The following CFAP70 variants were observed in gnomAD, a reference collection of about 807,000 sequenced individuals.
CFAP70 encodes the protein cilia- and flagella-associated protein 70.
CFAP70 carries 81 observed loss-of-function variants against 137.6 expected under a neutral mutation model. That is an observed-to-expected ratio of 0.59 (90% confidence interval 0.49 to 0.71). CFAP70 has a LOEUF of 0.71. Ranked by LOEUF, CFAP70 falls within the 30% of genes least tolerant of loss-of-function variation. CFAP70 has a pLI of 0.00. For synonymous variants in CFAP70, 382 were observed against 423.6 expected (o/e 0.90, Z 1.20); for missense variants, 976 against 1,226.7 (o/e 0.80, Z 3.05).
intron 7 of CFAP70, among the ~76,000 whole-genome samples, chr10:73,334,691 T>G (rs1382000772): frequency 1.3e-5 from 2 of 151,632 alleles, no homozygotes; most frequent in Non-Finnish European, 2.9e-5. Context: ...GCGATTCTCC[T>G]GCCTCAGCCT....
intron 3 of CFAP70, among the ~76,000 whole-genome samples, chr10:73,349,519 G>A (rs570854605): frequency 6.6e-5 from 10 of 151,758 alleles, no homozygotes; most frequent in African/African-American, 2.2e-4. Flanking sequence ...TTACAGCCTG[G>A]GCGACAGAGC....
intron 12 of CFAP70, among the ~76,000 whole-genome samples, chr10:73,306,950 A>T (rs942569077): frequency 6.6e-6 from 1 of 151,978 alleles, no homozygotes; most frequent in African/African-American, 2.4e-5. Context: ...GTATTATTGC[A>T]CTTTCAACTT....
rs534645251 is a variant in CFAP70, at chr10:73,348,248, G to A, written c.349+175C>T. 53 of 1,613,944 alleles carry A rather than the reference G, an allele frequency of 3.3e-5. 1 individual carries two copies. The South Asian group carries it at 5.8e-4, about 18-fold the overall frequency. ...AATGAACTCTGTCCTGCAAAAAGAA[G>A]CCCAAGTTGAGCCAAAGAAGAAAGG... On this transcript the variant is annotated intron_variant, in intron 4 of 26. Transcript: ENST00000310715.
intron 6 of CFAP70, among the ~76,000 whole-genome samples, chr10:73,338,342 T>C (rs2052898702): frequency 6.6e-6 from 1 of 151,780 alleles, no homozygotes; most frequent in Non-Finnish European, 1.5e-5. Context: ...ACCAGGCTGG[T>C]CTCAAACTCC....
intron 19 of CFAP70, among the ~76,000 whole-genome samples, chr10:73,287,852 C>CATCT (rs72556802): frequency 0.42 from 60,695 of 145,738 alleles, 12,599 homozygotes; most frequent in Middle Eastern, 0.55. Context: ...TGCATTTTAA[C>CATCT]ATCTATCTAT....
chr10:73,299,593 T>TTTGG lies in CFAP70; in HGVS notation c.1317+8_1317+11dup, dbSNP rs1230277249. The TTTGG allele has an allele frequency of 2.5e-6, 4 of 1,611,998 alleles. No homozygotes were observed. The highest frequency in any genetic ancestry group is 1.7e-6 in the Non-Finnish European group (2 of 1,178,490). ...TTATTACTTATCATTTCAACTTGGC[T>TTTGG]TTGGCACTTGCCTTCTGAGCTCCTC... On this transcript the variant is annotated intron_variant, in intron 13 of 26. Coordinates refer to ENST00000310715, the Ensembl canonical transcript of CFAP70.
At chr10:73,313,351 G>A (rs1333945357) in intron 9 of CFAP70, among the ~76,000 whole-genome samples, 3 of 135,714 alleles carry the variant, frequency 2.2e-5, no homozygotes, top group Non-Finnish European at 4.6e-5. Context: ...CAGCTTGGGC[G>A]ATAGAGCGAG....
rs1404916095 is a variant in CFAP70 at position 73,270,080 on chromosome 10, CCA to C, written c.2926-367_2926-366del. Reference sequence around the variant, plus strand: ...ATGTGTGCATCATTCAGTGATTTCTCCACACACAGTGGGCTGTCAGATACATT... The same window carrying C: ...ATGTGTGCATCATTCAGTGATTTCTCCACACAGTGGGCTGTCAGATACATT... On this transcript the variant is annotated intron_variant, in intron 24 of 26. Coordinates refer to ENST00000310715, the Ensembl canonical transcript of CFAP70. Among the ~76,000 whole-genome samples, 5 of 152,200 alleles carry C rather than the reference CCA, an allele frequency of 3.3e-5. No individual in the cohort carries two copies. The East Asian group carries it at 7.7e-4, about 23-fold the overall frequency.
intron 25 of CFAP70, among the ~76,000 whole-genome samples, chr10:73,265,744 G>C (rs1233310868): frequency 6.6e-6 from 1 of 152,088 alleles, no homozygotes; most frequent in Non-Finnish European, 1.5e-5. Context: ...GTCTATTTCT[G>C]TCTGCCAATT....
intron 13 of CFAP70, among the ~76,000 whole-genome samples, chr10:73,299,403 C>A (rs1351679812): frequency 1.3e-5 from 2 of 152,030 alleles, no homozygotes; most frequent in Non-Finnish European, 2.9e-5. Flanking sequence ...CCTTTTCTTC[C>A]CAGCTGAGAG....
intron 1 of CFAP70, among the ~76,000 whole-genome samples, chr10:73,356,850 T>C (rs2054721445): frequency 6.6e-6 from 1 of 152,252 alleles, no homozygotes; most frequent in Admixed American, 6.5e-5. Flanking sequence ...CTGGTGTCTC[T>C]GACTCCAGTT....
At position 73,293,207 on chromosome 10, in the gene CFAP70, A is replaced by G. The variant is rs966615979; in HGVS notation, c.1770+56T>C. On this transcript the variant is annotated intron_variant, in intron 16 of 26. Transcript: ENST00000310715. ...GGATTTTAAACAATCAAAAATTACT[A>G]TTATGCCCATATTTCACAAATAATA... 28 of 1,542,698 alleles carry G rather than the reference A, an allele frequency of 1.8e-5. No homozygotes were observed. The African/African-American group carries it at 3.8e-4, about 21-fold the overall frequency.
At chr10:73,327,109 TCC>T (rs2051529626) in intron 8 of CFAP70, among the ~76,000 whole-genome samples, 1 of 148,912 alleles carries the variant, frequency 6.7e-6, no homozygotes, top group Non-Finnish European at 1.5e-5. Flanking sequence ...GCAAACCGAA[TCC>T]AGCAGCACAT....
rs139889032 is a variant in CFAP70 at position 73,261,050 on chromosome 10, C to T, written c.3028-4634G>A. Among the ~76,000 whole-genome samples the T allele has an allele frequency of 5.8e-3, 882 of 152,058 alleles. 10 individuals are homozygous for T. The highest frequency in any genetic ancestry group is 0.02 in the African/African-American group (813 of 41,476). ...AAACTGTTTTCCAAAGTGGTTGTAC[C>T]AATTTACAACCCTACCAGTAATGTA... On this transcript the variant is annotated intron_variant, in intron 25 of 26. Coordinates refer to ENST00000310715, the Ensembl canonical transcript of CFAP70.
chr10:73,333,103 T>TCCC (rs2052294429), intron 7 of CFAP70, among the ~76,000 whole-genome samples: 1 of 152,072 alleles, frequency 6.6e-6, no homozygotes, highest in Non-Finnish European at 1.5e-5. Context: ...ATGCTAGATA[T>TCCC]CAAAAACACA....
chr10:73,298,835 A>T, intron 14 of CFAP70, 72 bp downstream of exon 15: 2 of 1,374,930 alleles, frequency 1.5e-6, no homozygotes, highest in Non-Finnish European at 2.0e-6. Context: ...CAGAGGAGAA[A>T]ATGTGATGTG....
rs201514596 is a variant in CFAP70, at chr10:73,351,039, GTATATA to G, written c.250+2511_250+2516del. ...TGTGTATATATATGTGTATATGTGT[GTATATA>G]TGTGTGTGTGTGTGTGTGTGTGTGT... is the stretch of plus-strand genomic sequence containing the variant. On this transcript the variant is annotated intron_variant, in intron 3 of 26. Coordinates refer to ENST00000310715, the Ensembl canonical transcript of CFAP70. Among the ~76,000 whole-genome samples, 9 of 127,626 alleles carry G rather than the reference GTATATA, an allele frequency of 7.1e-5. No individual in the cohort carries two copies. The South Asian group carries it at 7.5e-4, about 11-fold the overall frequency. The allele number at this position is 127,626 out of a possible 152,430, so 83.7% of individuals were successfully genotyped here. A position where few individuals can be genotyped will look rare whatever the true frequency, so the allele number is the denominator to read the frequency against.
At chr10:73,355,156 C>T in intron 1 of CFAP70, among the ~76,000 whole-genome samples, 1 of 152,218 alleles carries the variant, frequency 6.6e-6, no homozygotes, top group Non-Finnish European at 1.5e-5. Context: ...CCAGTACCAG[C>T]CCGTGGCCTG....
At chr10:73,301,550 A>G (rs561061808) in intron 12 of CFAP70, among the ~76,000 whole-genome samples, 5 of 152,350 alleles carry the variant, frequency 3.3e-5, no homozygotes, top group African/African-American at 9.6e-5. Flanking sequence ...TGGCAAATCT[A>G]TAGAGAAAAA....
Sources: gnomAD v4.1 joint callset for allele counts (sites outside exome capture counted in the v4.1 genomes callset) on GRCh38, gnomAD v4.1.1 for gene constraint, MANE v1.5 for transcripts, NCBI Gene and HGNC (gene_info 2026-07-23, HGNC 2026-07-21) for gene names.